The following MCM9 variants were observed in gnomAD, a reference collection of about 807,000 sequenced individuals.
MCM9 encodes DNA helicase MCM9.
In MCM9, 55 loss-of-function variants were observed where a neutral mutation model predicts 72.8. The observed-to-expected ratio is 0.76, with a 90% CI of 0.61 to 0.95. The LOEUF (loss-of-function observed/expected upper bound fraction) is 0.95, where lower values mean the gene tolerates loss of function less well. MCM9 is among the 40% of genes least tolerant of loss of function. The pLI is 0.00. For missense variants in MCM9, 1,279 were observed against 1,377.0 expected (o/e 0.93, Z 1.13); for synonymous variants, 480 against 503.4 (o/e 0.95, Z 0.62).
chr6:118,903,331 A>G (rs1226175311), intron 8 of MCM9, among the ~76,000 whole-genome samples: 1 of 152,162 alleles, frequency 6.6e-6, no homozygotes, highest in East Asian at 1.9e-4. Context: ...CTCCAGGACA[A>G]GGCTGGCTGT....
chr6:118,876,470 T>C (rs187587940), intron 8 of MCM9, among the ~76,000 whole-genome samples: 5 of 152,340 alleles, frequency 3.3e-5, no homozygotes, highest in East Asian at 1.9e-4. Flanking sequence ...GAAGGTTGTA[T>C]GCATGGCAGG....
At chr6:118,860,675 A>C (rs942609940) in intron 8 of MCM9, among the ~76,000 whole-genome samples, 2 of 152,184 alleles carry the variant, frequency 1.3e-5, no homozygotes, top group African/African-American at 4.8e-5. Context: ...CAAACTTCAG[A>C]AAATCAAAGA....
chr6:118,841,783 TG>T, intron 9 of MCM9, among the ~76,000 whole-genome samples: 1 of 152,266 alleles, frequency 6.6e-6, no homozygotes, highest in Admixed American at 6.5e-5. Context: ...AGCATGACAT[TG>T]TTTAGTGCTC....
Position 118,829,246 on chromosome 6 carries a change from C to T in MCM9, c.1330G>A (p.Val444Met), listed in dbSNP as rs757364893. 3.1e-5 allele frequency: 48 copies of T among 1,547,920 alleles called. No homozygotes were observed. The highest frequency in any genetic ancestry group is 7.3e-5 in the East Asian group (3 of 40,856). Reference protein sequence around the residue: ...QTISVAKAGLVCKLNTRTTIL... With the variant: ...QTISVAKAGLMCKLNTRTTIL... The stretch of plus-strand genomic sequence containing the variant: ...GTGGTCCTTGTGTTCAGCTTGCACA[C>T]GAGGCTGCCAGGAGAGACAGTACAA... The change falls in exon 10 of 14, where the codon GTG becomes ATG. Residue 444 changes from valine to methionine, a missense_variant. Coordinates refer to ENST00000619706, the MANE Select transcript of MCM9 (RefSeq NM_017696.3).
chr6:118,923,291 T>C (rs1172613507), intron 4 of MCM9, among the ~76,000 whole-genome samples: 1 of 151,762 alleles, frequency 6.6e-6, no homozygotes, highest in Non-Finnish European at 1.5e-5. Context: ...TGTGATTTTT[T>C]TTTTTTTTCA....
At chr6:118,830,948 G>A (rs1242618419) in intron 9 of MCM9, among the ~76,000 whole-genome samples, 6 of 152,344 alleles carry the variant, frequency 3.9e-5, no homozygotes, top group Admixed American at 2.0e-4. Flanking sequence ...ATCAGCATTA[G>A]TATCAGCAGG....
In MCM9 at chr6:118,829,966, G is replaced by A. The variant is rs76088402; in HGVS notation, c.1326-716C>T. Among the ~76,000 whole-genome samples, 11 of 152,302 alleles carry A rather than the reference G, an allele frequency of 7.2e-5. No individual in the cohort carries two copies. The East Asian group carries it at 2.1e-3, about 29-fold the overall frequency. ...GAGCCATTGTGAAGGGAAGTCTGAT[G>A]AGGACTGGGTTGGTGAGTGGGTTGG... is the stretch of plus-strand genomic sequence containing the variant. On this transcript the variant is annotated intron_variant, in intron 9 of 13. Coordinates refer to ENST00000619706, the MANE Select transcript of MCM9 (RefSeq NM_017696.3).
At chr6:118,856,627 C>A in intron 8 of MCM9, 82 bp from the exon 9 acceptor site, 1 of 1,433,444 alleles carries the variant, frequency 7.0e-7, no homozygotes, top group East Asian at 2.5e-5. Flanking sequence ...ACCTGTAATT[C>A]CAGCAGTTTA....
intron 8 of MCM9, chr6:118,907,866 T>TTCTTC (rs1301535814): frequency 3.0e-6 from 1 of 337,342 alleles, no homozygotes; most frequent in African/African-American, 2.1e-5. Flanking sequence ...ATATATTATT[T>TTCTTC]TCTTCTCCTT....
chr6:118,905,560 A>G (rs1780124746), intron 8 of MCM9: 1 of 992,952 alleles, frequency 1.0e-6, no homozygotes, highest in Non-Finnish European at 1.4e-6. Context: ...TGCATCCTCA[A>G]CTGATGGTTC....
At chr6:118,914,341 C>G (rs1031445276) in intron 6 of MCM9, among the ~76,000 whole-genome samples, 1 of 152,130 alleles carries the variant, frequency 6.6e-6, no homozygotes, top group Non-Finnish European at 1.5e-5. Flanking sequence ...GTATTTCATT[C>G]AGTCATTGGC....
chr6:118,922,007 G>T lies in MCM9; in HGVS notation c.701C>A (p.Ser234Tyr). The T allele has an allele frequency of 1.2e-6, 2 of 1,610,962 alleles. No homozygotes were observed. The highest frequency in any genetic ancestry group is 1.7e-6 in the Non-Finnish European group (2 of 1,178,492). Residue 234 changes from serine (S) to tyrosine (Y), a missense_variant and splice_region_variant, in exon 5 of 14, where the codon TCT becomes TAT. Physicochemically the swap from Ser to Tyr is moderately radical, Grantham distance 144. Coordinates refer to ENST00000619706, the MANE Select transcript of MCM9 (RefSeq NM_017696.3). Reference protein sequence around the residue: ...LEDDLVDSCKSGDDLTIYGIV... With the variant: ...LEDDLVDSCKYGDDLTIYGIV... ...AAAAAAAATTCCCCTCTTCTTACCA[G>T]ATTTGCAACTATCCACTAAGTCATC...
chr6:118,888,116 C>T (rs1778712510), intron 8 of MCM9, among the ~76,000 whole-genome samples: 1 of 152,098 alleles, frequency 6.6e-6, no homozygotes, highest in Non-Finnish European at 1.5e-5. Flanking sequence ...ATCAAAAAGA[C>T]AGAACAGCAA....
chr6:118,829,713 A>G (rs1400431181), intron 9 of MCM9, among the ~76,000 whole-genome samples: 1 of 152,218 alleles, frequency 6.6e-6, no homozygotes, highest in African/African-American at 2.4e-5. Context: ...TGAACCTTTC[A>G]AGACCTCTGG....
At chr6:118,883,552 A>C (rs1253912600) in intron 8 of MCM9, among the ~76,000 whole-genome samples, 1 of 152,172 alleles carries the variant, frequency 6.6e-6, no homozygotes, top group Non-Finnish European at 1.5e-5. Flanking sequence ...AGAAATGCTG[A>C]AAACTGAAGA....
intron 8 of MCM9, chr6:118,907,707 T>A: frequency 1.0e-6 from 1 of 962,128 alleles, no homozygotes; most frequent in Non-Finnish European, 1.6e-6. Context: ...AAACACAATG[T>A]GAAGAATTTG....
At chr6:118,868,319 T>C (rs902551950) in intron 8 of MCM9, among the ~76,000 whole-genome samples, 3 of 152,198 alleles carry the variant, frequency 2.0e-5, no homozygotes, top group South Asian at 2.1e-4. Flanking sequence ...GTGTAGACTT[T>C]GTGTATGTGA....
intron 8 of MCM9, among the ~76,000 whole-genome samples, chr6:118,899,886 A>T (rs1176958142): frequency 1.3e-5 from 2 of 152,226 alleles, no homozygotes; most frequent in African/African-American, 4.8e-5. Flanking sequence ...TACCCAAAGA[A>T]GATGAAGAGG....
chr6:118,906,408 C>T (rs919368708), intron 8 of MCM9, among the ~76,000 whole-genome samples: 1 of 152,098 alleles, frequency 6.6e-6, no homozygotes, highest in African/African-American at 2.4e-5. Flanking sequence ...TTGTTTATGG[C>T]TTTCTTTATA....
Sources: allele counts gnomAD v4.1 joint callset (sites outside exome capture counted in the v4.1 genomes callset), GRCh38; gene constraint gnomAD v4.1.1; transcripts MANE v1.5; gene names NCBI Gene and HGNC (gene_info 2026-07-23, HGNC 2026-07-21).